SNX24: variants seen among roughly 807,000 people sequenced by gnomAD.
SNX24 encodes the protein sorting nexin-24.
A neutral mutation model predicts 28.7 loss-of-function variants in SNX24; 22 were observed. That is an observed-to-expected ratio of 0.77 (90% CI 0.55 to 1.10). The LOEUF (loss-of-function observed/expected upper bound fraction) is 1.10. Ranked by LOEUF, SNX24 falls within the 50% of genes least tolerant of loss-of-function variation. The pLI, the probability that SNX24 is intolerant of heterozygous loss-of-function variation, is 0.00. For synonymous variants in SNX24, 69 were observed against 71.5 expected (o/e 0.96, Z 0.18); for missense variants, 221 against 201.1 (o/e 1.10, Z -0.60).
intron 6 of SNX24, among the ~76,000 whole-genome samples, chr5:123,005,353 G>A (rs2082327875): frequency 6.6e-6 from 1 of 152,046 alleles, no homozygotes; most frequent in African/African-American, 2.4e-5. Flanking sequence ...CACCCTCCCA[G>A]CGGGCTGCTT....
chr5:122,876,986 A>G (rs1756252619), intron 1 of SNX24, among the ~76,000 whole-genome samples: 1 of 152,218 alleles, frequency 6.6e-6, no homozygotes, highest in Non-Finnish European at 1.5e-5. Flanking sequence ...TATTTTGGAT[A>G]CATGGGGCAG....
At chr5:122,993,092 C>T (rs1413506521) in intron 3 of SNX24, among the ~76,000 whole-genome samples, 1 of 151,748 alleles carries the variant, frequency 6.6e-6, no homozygotes, top group African/African-American at 2.4e-5. Context: ...TTGCAAGATA[C>T]TCTATAAAGC....
chr5:122,984,458 G>A (rs895867048), intron 3 of SNX24, among the ~76,000 whole-genome samples: 2 of 152,130 alleles, frequency 1.3e-5, no homozygotes, highest in African/African-American at 4.8e-5. Flanking sequence ...TTCCCTGAAC[G>A]TCTTGTACTC....
At chr5:122,964,533 A>G (rs1049464790) in intron 3 of SNX24, among the ~76,000 whole-genome samples, 4 of 152,252 alleles carry the variant, frequency 2.6e-5, no homozygotes, top group Non-Finnish European at 5.9e-5. Flanking sequence ...CAAATATTAT[A>G]TCATCTATAA....
chr5:123,022,143 A>G (rs1460215464), intron 5 of SNX24, among the ~76,000 whole-genome samples: 1 of 152,054 alleles, frequency 6.6e-6, no homozygotes, highest in Non-Finnish European at 1.5e-5. Flanking sequence ...TTTTCTGTCC[A>G]TTGTTGTATC....
Position 122,910,877 on chromosome 5 carries a change from A to G in SNX24, c.61-25857A>G, listed in dbSNP as rs185984156. Among the ~76,000 whole-genome samples the G allele has an allele frequency of 5.3e-3, 799 of 152,170 alleles. 3 individuals are homozygous for G. The highest frequency in any genetic ancestry group is 9.3e-3 in the Admixed American group (142 of 15,292). ...TTAATCCAGTGTATCGTTGTTGGACATTTGGGTTGGTTCCAAGTCTTTGCT... is the reference window on the plus strand; with the variant it reads ...TTAATCCAGTGTATCGTTGTTGGACGTTTGGGTTGGTTCCAAGTCTTTGCT... On this transcript the variant is annotated intron_variant, in intron 1 of 6. Transcript: ENST00000261369.
intron 1 of SNX24, among the ~76,000 whole-genome samples, chr5:122,848,506 C>A (rs1422817740): frequency 6.7e-6 from 1 of 149,628 alleles, no homozygotes; most frequent in African/African-American, 2.5e-5. Flanking sequence ...GAGGCGAGAC[C>A]AGCCTGGCCA....
chr5:122,978,626 T>C (rs964988075), intron 3 of SNX24, among the ~76,000 whole-genome samples: 2 of 152,302 alleles, frequency 1.3e-5, no homozygotes, highest in East Asian at 1.9e-4. Flanking sequence ...TGAGATGATA[T>C]AGTTTTCTTT....
chr5:122,849,031 G>A (rs932468595), intron 1 of SNX24, among the ~76,000 whole-genome samples: 2 of 152,154 alleles, frequency 1.3e-5, no homozygotes, highest in Admixed American at 1.3e-4. Flanking sequence ...AGGATGTGCC[G>A]TAATTTTTTC....
intron 2 of SNX24, among the ~76,000 whole-genome samples, chr5:122,943,672 T>G (rs983116837): frequency 1.3e-5 from 2 of 152,118 alleles, no homozygotes. Flanking sequence ...GCCATGTGGC[T>G]CTCTCATCAC....
downstream of SNX24, among the ~76,000 whole-genome samples, chr5:123,010,958 A>C (rs1296554618): frequency 6.6e-6 from 1 of 151,960 alleles, no homozygotes; most frequent in African/African-American, 2.4e-5. Flanking sequence ...AATTTGTGTA[A>C]CCACTACCAT....
intron 1 of SNX24, among the ~76,000 whole-genome samples, chr5:122,866,211 G>A (rs1191044580): frequency 1.3e-5 from 2 of 152,096 alleles, no homozygotes; most frequent in African/African-American, 2.4e-5. Flanking sequence ...GTGCAGTGGC[G>A]AGATCTCAGC....
intron 1 of SNX24, among the ~76,000 whole-genome samples, chr5:122,850,830 A>C (rs1012928377): frequency 1.3e-4 from 20 of 151,410 alleles, no homozygotes; most frequent in Admixed American, 2.6e-4. Context: ...AGAGTGAGGA[A>C]AGAGGGAGGG....
At chr5:122,870,596 A>G (rs1755926196) in intron 1 of SNX24, among the ~76,000 whole-genome samples, 1 of 152,232 alleles carries the variant, frequency 6.6e-6, no homozygotes, top group African/African-American at 2.4e-5. Flanking sequence ...TGGAGATAAT[A>G]AAATGGAAAG....
At chr5:122,965,817 T>C (rs1760691523) in intron 3 of SNX24, among the ~76,000 whole-genome samples, 1 of 152,260 alleles carries the variant, frequency 6.6e-6, no homozygotes, top group African/African-American at 2.4e-5. Flanking sequence ...CTAAATGCTG[T>C]GATGTTTCCA....
At chr5:122,981,758 A>G (rs1444350490) in intron 3 of SNX24, among the ~76,000 whole-genome samples, 1 of 152,160 alleles carries the variant, frequency 6.6e-6, no homozygotes, top group African/African-American at 2.4e-5. Context: ...GCTCACTGCA[A>G]CCTCTGCCTC....
intron 3 of SNX24, among the ~76,000 whole-genome samples, chr5:122,974,349 G>A (rs951293364): frequency 6.6e-6 from 1 of 152,222 alleles, no homozygotes; most frequent in Non-Finnish European, 1.5e-5. Context: ...TTATGGACCA[G>A]TGTGATACCT....
chr5:122,927,399 T>TAAACG (rs10659941), intron 1 of SNX24, among the ~76,000 whole-genome samples: 1 of 151,620 alleles, frequency 6.6e-6, no homozygotes, highest in Non-Finnish European at 1.5e-5. Flanking sequence ...TGTAGGCTAT[T>TAAACG]TATCTTTTAT....
intron 1 of SNX24, among the ~76,000 whole-genome samples, chr5:122,913,845 C>T (rs1457997803): frequency 5.9e-5 from 9 of 152,180 alleles, no homozygotes; most frequent in East Asian, 1.9e-4. Context: ...AACGAGACTC[C>T]GTCTGCAATC....
Sources: allele counts gnomAD v4.1 joint callset (sites outside exome capture counted in the v4.1 genomes callset), GRCh38; gene constraint gnomAD v4.1.1; transcripts MANE v1.5; gene names NCBI Gene and HGNC (gene_info 2026-07-23, HGNC 2026-07-21).